The following PTPRN2 variants were observed in gnomAD, a reference collection of about 807,000 sequenced individuals.
The protein encoded by PTPRN2 is protein tyrosine phosphatase receptor type N2.
Under a neutral mutation model 118.8 loss-of-function variants are expected in PTPRN2, and 74 were observed. The observed-to-expected ratio is 0.62, with a 90% CI of 0.52 to 0.76. PTPRN2 has a LOEUF of 0.76. Ranked by LOEUF, PTPRN2 falls within the 30% of genes least tolerant of loss-of-function variation. PTPRN2 has a pLI of 0.00. For synonymous variants in PTPRN2, 641 were observed against 608.0 expected (o/e 1.05, Z -0.80); for missense variants, 1,481 against 1,394.4 (o/e 1.06, Z -0.99).
intron 11 of PTPRN2, among the ~76,000 whole-genome samples, chr7:158,042,643 C>A (rs1210687625): frequency 6.6e-6 from 1 of 152,164 alleles, no homozygotes; most frequent in Non-Finnish European, 1.5e-5. Context: ...TTCGGGAGGG[C>A]AGGGGCAGGC....
chr7:157,984,440 AGGCTCC>A (rs1803600889), intron 11 of PTPRN2, among the ~76,000 whole-genome samples: 1 of 11,482 alleles, frequency 8.7e-5, no homozygotes, highest in Non-Finnish European at 1.6e-4. Flanking sequence ...GCTCCACGCC[AGGCTCC>A]ACCCCCCCCA....
At chr7:157,706,402 G>T (rs147695063) in intron 12 of PTPRN2, among the ~76,000 whole-genome samples, 3 of 151,530 alleles carry the variant, frequency 2.0e-5, no homozygotes, top group African/African-American at 7.3e-5. Context: ...GGAACTGGGC[G>T]AATGTGACCC....
At chr7:158,113,748 A>G (rs978275858) in intron 9 of PTPRN2, among the ~76,000 whole-genome samples, 1 of 151,748 alleles carries the variant, frequency 6.6e-6, no homozygotes, top group African/African-American at 2.4e-5. Flanking sequence ...CGCACCTGCA[A>G]CAAGAAAGCC....
Position 158,587,773 on chromosome 7 carries a change from C to G in PTPRN2, c.-104G>C, listed in dbSNP as rs1829072088. ...GGCGCGCGCCGCCGGCTCCTCCCGC[C>G]GCGCCTCTCGCGCTCTTGCGGCGAC... On this transcript the variant is annotated 5_prime_UTR_variant, in exon 1 of 23. Transcript: ENST00000389418. The G allele has an allele frequency of 2.0e-6, 2 of 1,005,436 alleles. No homozygotes were observed. The highest frequency in any genetic ancestry group is 1.7e-5 in the African/African-American group (1 of 57,148). 62.3% of individuals were successfully genotyped at this position (1,005,436 alleles called of 1,614,324 possible).
chr7:158,386,411 G>A (rs1184748512), intron 2 of PTPRN2, among the ~76,000 whole-genome samples: 3 of 149,408 alleles, frequency 2.0e-5, no homozygotes, highest in Non-Finnish European at 1.5e-5. Flanking sequence ...CATGCCCAGA[G>A]TCCCTCCTCC....
chr7:158,209,459 G>T (rs944351723), intron 3 of PTPRN2, among the ~76,000 whole-genome samples: 6 of 152,134 alleles, frequency 3.9e-5, no homozygotes, highest in African/African-American at 1.4e-4. Context: ...GACAAAGAAG[G>T]TCATAATGAT....
At chr7:158,000,009 C>T (rs1317586813) in intron 11 of PTPRN2, among the ~76,000 whole-genome samples, 1 of 152,054 alleles carries the variant, frequency 6.6e-6, no homozygotes, top group African/African-American at 2.4e-5. Context: ...GCCTCAGCCT[C>T]GCGAGAAGCT....
intron 7 of PTPRN2, among the ~76,000 whole-genome samples, chr7:158,137,045 CG>C (rs1187719042): frequency 1.3e-5 from 2 of 152,172 alleles, no homozygotes; most frequent in African/African-American, 4.8e-5. Context: ...GTGAAGCCTT[CG>C]CCAAAACCAC....
At chr7:158,100,300 CATTG>C (rs1312338490) in intron 10 of PTPRN2, among the ~76,000 whole-genome samples, 3 of 151,070 alleles carry the variant, frequency 2.0e-5, no homozygotes, top group African/African-American at 7.3e-5. Context: ...TTTATCTACT[CATTG>C]ATTGATGGGC....
At chr7:158,312,798 CTCAT>C (rs1801961010) in intron 3 of PTPRN2, among the ~76,000 whole-genome samples, 2 of 151,386 alleles carry the variant, frequency 1.3e-5, no homozygotes, top group Admixed American at 6.6e-5. Flanking sequence ...CACCTGCACA[CTCAT>C]TCACGTGCTC....
intron 11 of PTPRN2, among the ~76,000 whole-genome samples, chr7:157,971,055 T>C (rs1051071437): frequency 2.0e-5 from 3 of 152,214 alleles, no homozygotes; most frequent in Non-Finnish European, 2.9e-5. Context: ...TGTGCCTCTA[T>C]CACAGATTTA....
rs540736084 is a variant in PTPRN2, at chr7:157,974,324, C to T, written c.1724-75587G>A. 2.8e-4 allele frequency among the ~76,000 whole-genome samples: 42 copies of T among 152,318 alleles called. 1 individual carries two copies. The South Asian group carries it at 7.5e-3, about 27-fold the overall frequency. On this transcript the variant is annotated intron_variant, in intron 11 of 22. Transcript: ENST00000389418. The surrounding 1 kb of genome is among the most constrained non-coding windows in gnomAD (Gnocchi z 4.0). ...GCCACCCTGCCCACAAGGTCTTCCA[C>T]GGGGCTCCTCCCCAGCTCACGGGGA...
intron 9 of PTPRN2, among the ~76,000 whole-genome samples, chr7:158,118,231 G>A (rs1198888141): frequency 6.6e-6 from 1 of 152,082 alleles, no homozygotes; most frequent in Non-Finnish European, 1.5e-5. Context: ...AATGTATAAG[G>A]ATGCAATTTT....
intron 12 of PTPRN2, among the ~76,000 whole-genome samples, chr7:157,730,499 G>T (rs549163241): frequency 1.3e-5 from 2 of 152,326 alleles, no homozygotes; most frequent in East Asian, 3.9e-4. Context: ...CCCCAGGGGT[G>T]ACAGCGGTTG....
intron 18 of PTPRN2, among the ~76,000 whole-genome samples, chr7:157,577,663 G>A (rs1258276177): frequency 8.5e-5 from 13 of 152,208 alleles, no homozygotes; most frequent in Admixed American, 8.5e-4. Flanking sequence ...CCGGGACCAC[G>A]CTGTGAGGCG....
At chr7:157,946,265 T>G (rs1264071333) in intron 11 of PTPRN2, among the ~76,000 whole-genome samples, 1 of 152,136 alleles carries the variant, frequency 6.6e-6, no homozygotes, top group Non-Finnish European at 1.5e-5. Context: ...TTTGTAGCTC[T>G]TTCTGCGTTT....
intron 11 of PTPRN2, among the ~76,000 whole-genome samples, chr7:157,942,581 G>C (rs940436994): frequency 6.6e-6 from 1 of 151,944 alleles, no homozygotes; most frequent in Non-Finnish European, 1.5e-5. Context: ...ATTGAGACTG[G>C]GAGCTGGTGG....
chr7:158,224,681 T>C (rs1828618402), intron 3 of PTPRN2, among the ~76,000 whole-genome samples: 1 of 152,176 alleles, frequency 6.6e-6, no homozygotes, highest in Non-Finnish European at 1.5e-5. Context: ...AAAAAGTTCT[T>C]AGACTTGACA....
Position 157,603,643 on chromosome 7 carries a change from G to A in PTPRN2, c.2418+359C>T, listed in dbSNP as rs908638290. ...GTAGACTGAGGCCTCATGTCCCCAT[G>A]CCCCATGAATATACAGGGAATGTGT... is the stretch of plus-strand genomic sequence containing the variant. On this transcript the variant is annotated intron_variant, in intron 16 of 22. Transcript: ENST00000389418. The surrounding 1 kb of genome is among the most constrained non-coding windows in gnomAD (Gnocchi z 5.4). Among the ~76,000 whole-genome samples the A allele has an allele frequency of 2.0e-5, 3 of 152,190 alleles. No individual in the cohort carries two copies. Among genetic ancestry groups the A allele is most frequent in the African/African-American group, 7.2e-5 (3 of 41,442 alleles).
Sources: allele counts gnomAD v4.1 joint callset (sites outside exome capture counted in the v4.1 genomes callset), GRCh38; gene constraint gnomAD v4.1.1; non-coding constraint Gnocchi (gnomAD v3.1); transcripts MANE v1.5; gene names NCBI Gene and HGNC (gene_info 2026-07-23, HGNC 2026-07-21).